Variants in COMMD10 observed in about 807,000 individuals in gnomAD.
COMMD10 encodes the protein COMM domain containing 10, also known as COMM domain-containing protein 10.
A neutral mutation model predicts 28.9 loss-of-function variants in COMMD10; 33 were observed. The ratio of observed to expected loss-of-function variants is 1.14; its 90% confidence interval spans 0.87 to 1.53. The LOEUF (loss-of-function observed/expected upper bound fraction) is 1.53, where lower values mean the gene tolerates loss of function less well. COMMD10 is among the 40% of genes most tolerant of loss of function. The pLI, the probability that COMMD10 is intolerant of heterozygous loss-of-function variation, is 0.00. For missense variants in COMMD10, 310 were observed against 233.4 expected (o/e 1.33, Z -2.14); for synonymous variants, 110 against 81.7 (o/e 1.35, Z -1.87).
At chr5:116,162,354 C>A (rs78674814) in intron 5 of COMMD10, among the ~76,000 whole-genome samples, 1 of 151,292 alleles carries the variant, frequency 6.6e-6, no homozygotes, top group African/African-American at 2.4e-5. Flanking sequence ...GTTTCATTGA[C>A]CTATTTAAAT....
At chr5:116,279,118 A>C (rs756040391) in intron 5 of COMMD10, among the ~76,000 whole-genome samples, 2 of 151,726 alleles carry the variant, frequency 1.3e-5, no homozygotes, top group East Asian at 3.9e-4. Flanking sequence ...TTGGGAGAAC[A>C]CAAGAGACAA....
chr5:116,233,965 G>A (rs970115666), intron 5 of COMMD10, among the ~76,000 whole-genome samples: 2 of 152,136 alleles, frequency 1.3e-5, no homozygotes, highest in African/African-American at 4.8e-5. Flanking sequence ...GAAAGGTGAA[G>A]TTTTTACATT....
chr5:116,188,684 G>A (rs2112608193), intron 5 of COMMD10: 1 of 144,170 alleles, frequency 6.9e-6, no homozygotes, highest in South Asian at 2.1e-4. Flanking sequence ...CTCCAGGTTG[G>A]AGTGCAGTGG....
intron 5 of COMMD10, among the ~76,000 whole-genome samples, chr5:116,241,582 T>TATTTA (rs1561387682): frequency 1.8e-5 from 2 of 110,864 alleles, no homozygotes; most frequent in South Asian, 3.1e-4. Context: ...CACTCTGCTT[T>TATTTA]CTTATTTATT....
chr5:116,090,342 A>G (rs953618547), intron 2 of COMMD10, among the ~76,000 whole-genome samples: 18 of 152,238 alleles, frequency 1.2e-4, no homozygotes, highest in African/African-American at 4.3e-4. Flanking sequence ...TGTTTAGGGC[A>G]GTCCTGCACA....
intron 5 of COMMD10, among the ~76,000 whole-genome samples, chr5:116,145,540 G>A (rs1447694203): frequency 6.6e-6 from 1 of 151,800 alleles, no homozygotes; most frequent in Non-Finnish European, 1.5e-5. Context: ...TTCGGGGCAG[G>A]GTGGTAAGTG....
chr5:116,211,826 T>C (rs570968240), intron 5 of COMMD10, among the ~76,000 whole-genome samples: 1 of 152,194 alleles, frequency 6.6e-6, no homozygotes, highest in East Asian at 1.9e-4. Context: ...TCATGAAATA[T>C]TAAGATTATA....
At chr5:116,283,211 C>CA (rs1382137360) in intron 5 of COMMD10, among the ~76,000 whole-genome samples, 1 of 151,878 alleles carries the variant, frequency 6.6e-6, no homozygotes, top group Non-Finnish European at 1.5e-5. Flanking sequence ...CTACCTACAA[C>CA]AAAAACGATG....
At chr5:116,120,177 A>G (rs1751380055) in intron 4 of COMMD10, among the ~76,000 whole-genome samples, 1 of 152,172 alleles carries the variant, frequency 6.6e-6, no homozygotes, top group South Asian at 2.1e-4. Flanking sequence ...CAGCCATAAA[A>G]AGGAATGAAG....
In COMMD10 at chr5:116,140,556, C is replaced by G. The variant is rs189933301; in HGVS notation, c.510+6378C>G. ...ATTTCCACCATCAGTGTACGGGGTT[C>G]CCTTTTCTCCACATTCTCACCAGCG... On this transcript the variant is annotated intron_variant, in intron 5 of 6. Coordinates refer to ENST00000274458, the MANE Select transcript of COMMD10 (RefSeq NM_016144.4). Among the ~76,000 whole-genome samples the G allele has an allele frequency of 4.7e-4, 71 of 151,924 alleles. 1 individual carries two copies. The highest frequency in any genetic ancestry group is 6.8e-4 in the Non-Finnish European group (46 of 67,860).
intron 5 of COMMD10, among the ~76,000 whole-genome samples, chr5:116,244,083 G>C (rs1365908446): frequency 2.0e-5 from 3 of 152,062 alleles, no homozygotes; most frequent in Non-Finnish European, 4.4e-5. Context: ...ACTGATTCAA[G>C]GAATCTGTGC....
chr5:116,191,411 G>A (rs1318397325), intron 5 of COMMD10, among the ~76,000 whole-genome samples: 2 of 151,852 alleles, frequency 1.3e-5, no homozygotes, highest in African/African-American at 4.8e-5. Context: ...TTTCAAGCCT[G>A]TGTCACCCAC....
intron 5 of COMMD10, among the ~76,000 whole-genome samples, chr5:116,267,047 T>A (rs1022579731): frequency 6.6e-6 from 1 of 151,840 alleles, no homozygotes; most frequent in Non-Finnish European, 1.5e-5. Context: ...AAGACAAGGA[T>A]GCCCTCTCTC....
rs1349718760 is a variant in COMMD10, at chr5:116,202,712, T to C, written c.510+68534T>C. 9.9e-3 allele frequency among the ~76,000 whole-genome samples: 1,496 copies of C among 151,576 alleles called. 16 individuals are homozygous for C. Among genetic ancestry groups the C allele is most frequent in the African/African-American group, 0.026 (1,047 of 41,034 alleles). On this transcript the variant is annotated intron_variant, in intron 5 of 6. Coordinates refer to ENST00000274458, the MANE Select transcript of COMMD10 (RefSeq NM_016144.4). ...TTGAGAAGTGTCTGTTCATATCCTT[T>C]GCCCACTTTTTGATGGGGTTGTTTG...
intron 5 of COMMD10, 53 bp from the exon 6 acceptor site, chr5:116,291,464 G>A: frequency 4.1e-6 from 5 of 1,230,556 alleles, no homozygotes; most frequent in East Asian, 2.4e-5. Context: ...GAGAAAAAAT[G>A]TGATGTAAAT....
intron 5 of COMMD10, among the ~76,000 whole-genome samples, chr5:116,158,149 TTCC>T (rs1752786095): frequency 3.3e-4 from 2 of 5,984 alleles, no homozygotes; most frequent in Non-Finnish European, 5.6e-4. Context: ...CCTCCCTCCC[TTCC>T]CCTCCCTCCC....
At chr5:116,291,861 C>T (rs571169515) in intron 6 of COMMD10, among the ~76,000 whole-genome samples, 8 of 152,038 alleles carry the variant, frequency 5.3e-5, no homozygotes, top group Non-Finnish European at 1.0e-4. Context: ...CACACTGACA[C>T]TTTAAATATA....
rs115655152 is a variant in COMMD10, at chr5:116,217,327, T to C, written c.511-74190T>C. Among the ~76,000 whole-genome samples the C allele has an allele frequency of 3.0e-3, 452 of 152,266 alleles. 3 individuals carry two copies. The highest frequency in any genetic ancestry group is 0.01 in the African/African-American group (434 of 41,548). ...CAACAACTTTCAAACTTAACTACCT[T>C]CTTCAATGGACTACCGAAAATCAGA... On this transcript the variant is annotated intron_variant, in intron 5 of 6. Transcript: ENST00000274458.
chr5:116,291,184 C>T (rs1751350143), intron 5 of COMMD10, among the ~76,000 whole-genome samples: 1 of 152,116 alleles, frequency 6.6e-6, no homozygotes. Flanking sequence ...AGATTTCAAA[C>T]AGACTGCTGA....
Sources: allele counts gnomAD v4.1 joint callset (sites outside exome capture counted in the v4.1 genomes callset), GRCh38; gene constraint gnomAD v4.1.1; transcripts MANE v1.5; gene names NCBI Gene and HGNC (gene_info 2026-07-23, HGNC 2026-07-21).